Variants in PAX8 observed in about 807,000 individuals in gnomAD.
PAX8 encodes paired box 8, also known as paired box protein Pax-8.
PAX8 carries 15 observed loss-of-function variants against 52.4 expected under a neutral mutation model. The ratio of observed to expected loss-of-function variants is 0.29; its 90% CI spans 0.19 to 0.44. PAX8 has a LOEUF of 0.44. Among genes scored for constraint, PAX8 ranks in the 20% least tolerant of loss-of-function variants. The probability of loss-of-function intolerance (pLI) is 1.00; values close to 1 mark genes in which losing one functional copy is unlikely to be tolerated. For missense variants in PAX8, 554 were observed against 602.5 expected (o/e 0.92, Z 0.84); for synonymous variants, 284 against 249.7 (o/e 1.14, Z -1.29).
In PAX8 at chr2:113,223,639, C is replaced by G. The variant is rs139571914; in HGVS notation, c.1190-3461G>C. Among the ~76,000 whole-genome samples, 413 of 152,330 alleles carry G rather than the reference C, an allele frequency of 2.7e-3. 6 individuals are homozygous for G. Among genetic ancestry groups the G allele is most frequent in the African/African-American group, 9.7e-3 (402 of 41,580 alleles). ...TGAATGGTCACTTTGAACACCTTCT[C>G]AGAGAGGCCTCCCCTGACAGCCCAA... On this transcript the variant is annotated intron_variant, in intron 10 of 11. Coordinates refer to ENST00000429538, the MANE Select transcript of PAX8 (RefSeq NM_003466.4).
At chr2:113,244,005 GAATT>G (rs1470181979) in intron 4 of PAX8, among the ~76,000 whole-genome samples, 1 of 152,240 alleles carries the variant, frequency 6.6e-6, no homozygotes, top group Non-Finnish European at 1.5e-5. Context: ...ATGTGTGAAT[GAATT>G]AATGAACAAG....
chr2:113,242,876 A>G, intron 4 of PAX8, 98 bp from the exon 5 acceptor site: 1 of 875,846 alleles, frequency 1.1e-6, no homozygotes. Context: ...CCTTTTGGGT[A>G]TCTCCAAGGC....
At position 113,245,171 on chromosome 2, in the gene PAX8, C is replaced by T. The variant is rs565049222; in HGVS notation, c.192-547G>A. ...AGGTGATTCTCCTGCCTCAGCCTCC[C>T]GAGTAGCTGGGATTACAAGCGTCTG... On this transcript the variant is annotated intron_variant, in intron 3 of 11. Coordinates refer to ENST00000429538, the MANE Select transcript of PAX8 (RefSeq NM_003466.4). Among the ~76,000 whole-genome samples, 7 of 152,114 alleles carry T rather than the reference C, an allele frequency of 4.6e-5. No homozygotes were observed. The East Asian group carries it at 5.8e-4, about 13-fold the overall frequency.
intron 9 of PAX8, 28 bp downstream of exon 9, chr2:113,235,366 G>A: frequency 6.5e-7 from 1 of 1,542,000 alleles, no homozygotes; most frequent in Non-Finnish European, 8.8e-7. Flanking sequence ...CGCCATAGCT[G>A]CATGGCCCCG....
chr2:113,274,641 G>A (rs1302077626), intron 2 of PAX8: 1 of 152,042 alleles, frequency 6.6e-6, no homozygotes, highest in Non-Finnish European at 1.5e-5. Flanking sequence ...TTACTCCAAG[G>A]TTTAGGTATG....
chr2:113,236,770 C>T, intron 7 of PAX8, 49 bp from the exon 8 acceptor site: 1 of 1,538,990 alleles, frequency 6.5e-7, no homozygotes, highest in Non-Finnish European at 8.7e-7. Context: ...AACAAGCCGA[C>T]CTTCCTGCAG....
At chr2:113,233,555 G>C (rs1204430500) in intron 9 of PAX8, among the ~76,000 whole-genome samples, 1 of 151,882 alleles carries the variant, frequency 6.6e-6, no homozygotes, top group Non-Finnish European at 1.5e-5. Flanking sequence ...GCGCCCATTT[G>C]TAGTTCTAGC....
intron 2 of PAX8, among the ~76,000 whole-genome samples, chr2:113,248,192 G>A (rs1054541988): frequency 2.6e-5 from 4 of 152,216 alleles, no homozygotes; most frequent in South Asian, 2.1e-4. Flanking sequence ...TTTCTCATGA[G>A]GAGACTGGGG....
chr2:113,266,908 A>C (rs994740871), intron 2 of PAX8: 1 of 152,220 alleles, frequency 6.6e-6, no homozygotes, highest in African/African-American at 2.4e-5. Context: ...GTGTTTATGA[A>C]AGTTTTATAT....
At chr2:113,233,020 C>CCCCCTCCCCT (rs1223381386) in intron 9 of PAX8, among the ~76,000 whole-genome samples, 1 of 137,760 alleles carries the variant, frequency 7.3e-6, no homozygotes, top group South Asian at 2.5e-4. Flanking sequence ...CTTCTCCTCA[C>CCCCCTCCCCT]CCCCTCCCCT....
At chr2:113,278,276 C>G (rs1028923932) in intron 2 of PAX8, 94 bp downstream of exon 2, 18 of 1,054,656 alleles carry the variant, frequency 1.7e-5, no homozygotes, top group Non-Finnish European at 2.5e-5. Context: ...CCGCGAATCC[C>G]GTGCTGACGC....
chr2:113,242,689 C>A lies in PAX8; in HGVS notation c.478+1G>T. ...GTGTATCCAGGTCTCTCAGCACTCA[C>A]TCAGCGTGTGTCCGGGACTCAGGGA... is the stretch of plus-strand genomic sequence containing the variant. On this transcript the variant is annotated splice_donor_variant, in intron 5 of 11. Transcript: ENST00000429538. LOFTEE classifies it high-confidence loss of function. 1 of 1,609,326 alleles carries A rather than the reference C, an allele frequency of 6.2e-7. No homozygotes were observed. The highest frequency in any genetic ancestry group is 8.5e-7 in the Non-Finnish European group (1 of 1,175,708).
At chr2:113,249,052 C>G (rs1691557909) in intron 2 of PAX8, among the ~76,000 whole-genome samples, 1 of 152,226 alleles carries the variant, frequency 6.6e-6, no homozygotes, top group Non-Finnish European at 1.5e-5. Flanking sequence ...GGCCAAACAC[C>G]CAGCAAGAAG....
intron 2 of PAX8, among the ~76,000 whole-genome samples, chr2:113,260,941 G>A (rs971530592): frequency 6.6e-6 from 1 of 151,552 alleles, no homozygotes; most frequent in African/African-American, 2.4e-5. Flanking sequence ...TCTTCAGGGT[G>A]GGGGACAGAA....
At position 113,244,738 on chromosome 2, in the gene PAX8, G is replaced by A. The variant is rs1175942138; in HGVS notation, c.192-114C>T. The A allele has an allele frequency of 4.2e-6, 4 of 941,298 alleles. No individual in the cohort carries two copies. The Admixed American group carries it at 7.0e-5, about 16-fold the overall frequency. The allele number at this position is 941,298 out of a possible 1,614,324, so 58.3% of individuals were successfully genotyped here. ...GGCTTCTGGGTAGGGGTATGAGAGT[G>A]AAATGTGCCTCCAAGGCTGGTCTCA... is the stretch of plus-strand genomic sequence containing the variant. On this transcript the variant is annotated intron_variant, in intron 3 of 11. Transcript: ENST00000429538.
chr2:113,276,515 A>C (rs1693824253), intron 2 of PAX8: 1 of 152,204 alleles, frequency 6.6e-6, no homozygotes, highest in Non-Finnish European at 1.5e-5. Context: ...TTTGCATCCA[A>C]GCTAGTGGGA....
intron 3 of PAX8, among the ~76,000 whole-genome samples, chr2:113,244,966 C>A (rs1691188955): frequency 6.6e-6 from 1 of 152,046 alleles, no homozygotes; most frequent in South Asian, 2.1e-4. Context: ...TCTTGGTGTG[C>A]CTGATGTGTG....
chr2:113,242,256 G>A (rs1573461764), intron 5 of PAX8, 126 bp from the exon 6 acceptor site: 2 of 747,692 alleles, frequency 2.7e-6, no homozygotes, highest in East Asian at 5.4e-5. Flanking sequence ...AGGAGCAAGG[G>A]GTGGGACACC....
At chr2:113,268,777 T>G (rs1315441086) in intron 2 of PAX8, 1 of 152,456 alleles carries the variant, frequency 6.6e-6, no homozygotes, top group Non-Finnish European at 1.5e-5. Flanking sequence ...ACCAAGTGCT[T>G]TGCAGACATG....
Sources: allele counts gnomAD v4.1 joint callset (sites outside exome capture counted in the v4.1 genomes callset), GRCh38; gene constraint gnomAD v4.1.1; transcripts MANE v1.5; gene names NCBI Gene and HGNC (gene_info 2026-07-23, HGNC 2026-07-21).